Variants in DNAJC7 observed in about 807,000 individuals in gnomAD.
DNAJC7 encodes the protein dnaJ homolog subfamily C member 7.
A neutral mutation model predicts 67.4 loss-of-function variants in DNAJC7; 18 were observed. The observed-to-expected ratio is 0.27, with a 90% confidence interval of 0.18 to 0.40. The LOEUF is 0.40. Ranked by LOEUF, DNAJC7 falls within the 10% of genes least tolerant of loss-of-function variation. The pLI, the probability that DNAJC7 is intolerant of heterozygous loss-of-function variation, is 1.00. For missense variants in DNAJC7, 419 were observed against 613.8 expected (o/e 0.68, Z 3.35); for synonymous variants, 220 against 207.8 (o/e 1.06, Z -0.50).
At chr17:42,014,454 C>G (rs1355893658) in intron 1 of DNAJC7, 2 of 152,148 alleles carry the variant, frequency 1.3e-5, no homozygotes, top group Non-Finnish European at 2.9e-5. Context: ...GTGTGAGCCA[C>G]TGCACCCAGC....
chr17:41,995,032 G>T (rs782370262), intron 4 of DNAJC7, 88 bp from the exon 5 acceptor site: 1 of 1,131,762 alleles, frequency 8.8e-7, no homozygotes, highest in South Asian at 1.3e-5. Flanking sequence ...TGATGAATTT[G>T]AATTCAGTAA....
chr17:41,988,064 C>T (rs1415387128), intron 8 of DNAJC7, among the ~76,000 whole-genome samples, 154 bp from the exon 9 acceptor site: 1 of 152,294 alleles, frequency 6.6e-6, no homozygotes, highest in South Asian at 2.1e-4. Context: ...GGGCTATGGA[C>T]AGCAACTTCA....
chr17:42,017,358 T>C lies in DNAJC7; in HGVS notation c.59A>G (p.Asp20Gly), dbSNP rs782355563. Residue 20 changes from aspartate (D) to glycine (G), a missense_variant, in exon 1 of 14, where the codon GAC (aspartate) becomes GGC (glycine). By Grantham distance (94) the Asp-to-Gly change is moderately conservative. Around this residue, in one of 4 missense-constraint regions of DNAJC7, gnomAD observed 63 missense variants for 54.0 expected, o/e 1.17. Coordinates refer to ENST00000457167, the MANE Select transcript of DNAJC7 (RefSeq NM_003315.4). ...VMAATEPELL[D>G]DQEAKREAET... ...CGGTTACCTCTTCGCCTCTTGGTCG[T>C]CGAGCAGCTCCGGCTCGGTCGCCGC... 2.5e-6 allele frequency: 4 copies of C among 1,611,454 alleles called. No individual in the cohort carries two copies. Among genetic ancestry groups the C allele is most frequent in the Middle Eastern group, 1.6e-4 (1 of 6,062 alleles).
chr17:41,976,999 G>T, intron 13 of DNAJC7: 1 of 643,686 alleles, frequency 1.6e-6, no homozygotes, highest in Non-Finnish European at 2.7e-6. Context: ...CTTTGCTCTT[G>T]CAGAGAAGCC....
chr17:42,012,445 T>G (rs1360162049), intron 1 of DNAJC7, among the ~76,000 whole-genome samples: 1 of 152,186 alleles, frequency 6.6e-6, no homozygotes, highest in Non-Finnish European at 1.5e-5. Flanking sequence ...ATCACACCAC[T>G]GCACTCCAGC....
Position 41,987,867 on chromosome 17 carries a change from A to G in DNAJC7, c.962T>C (p.Val321Ala). Residue 321 changes from valine (V) to alanine (A), a missense_variant, in exon 9 of 14, where the codon GTG (valine) becomes GCG (alanine). By Grantham distance (64) the Val-to-Ala change is moderately conservative. This residue lies in a region of DNAJC7 where 161 missense variants were observed against 252.2 expected (regional missense o/e 0.64). Transcript: ENST00000457167. Reference protein sequence around the residue: ...DDAIEDCTNAVKLDDTYIKAY... With the variant: ...DDAIEDCTNAAKLDDTYIKAY... ...TTTTATGTAAGTGTCATCAAGCTTC[A>G]CTGCATTTGTGCAGTCTTCTATTGC... is the stretch of plus-strand genomic sequence containing the variant. The G allele has an allele frequency of 6.2e-7, 1 of 1,612,184 alleles. No individual in the cohort carries two copies. The highest frequency in any genetic ancestry group is 8.5e-7 in the Non-Finnish European group (1 of 1,179,250).
At chr17:42,012,390 G>A (rs2052143596) in intron 1 of DNAJC7, among the ~76,000 whole-genome samples, 2 of 152,222 alleles carry the variant, frequency 1.3e-5, no homozygotes, top group African/African-American at 4.8e-5. Context: ...GGCTGAGGCA[G>A]GAGAATCATT....
chr17:41,976,550 T>C lies in DNAJC7; in HGVS notation c.*183A>G, dbSNP rs1017557160. The C allele has an allele frequency of 4.3e-5, 24 of 557,394 alleles. 1 individual carries two copies. The South Asian group carries it at 5.0e-4, about 12-fold the overall frequency. 34.5% of individuals were successfully genotyped at this position (557,394 alleles called of 1,614,324 possible). A position where few individuals can be genotyped will look rare whatever the true frequency, so the allele number is the denominator to read the frequency against. ...CCACCCCCGCCTCCCTCCCCTGCCC[T>C]CGGTCTTCGGCATTGGTTCCCTTTG... On this transcript the variant is annotated 3_prime_UTR_variant, in exon 14 of 14. Transcript: ENST00000457167.
chr17:41,981,734 T>C (rs2143114882), intron 12 of DNAJC7, 121 bp downstream of exon 12: 2 of 1,369,344 alleles, frequency 1.5e-6, no homozygotes, highest in South Asian at 1.4e-5. Context: ...TCCATGTCTA[T>C]TACTGTTTGG....
chr17:42,017,020 C>G, intron 1 of DNAJC7: 1 of 1,311,902 alleles, frequency 7.6e-7, no homozygotes. Context: ...TCGTCATCGA[C>G]GCCGCGCCGC....
intron 8 of DNAJC7, among the ~76,000 whole-genome samples, 156 bp from the exon 9 acceptor site, chr17:41,988,066 G>C (rs2051428459): frequency 6.6e-6 from 1 of 152,184 alleles, no homozygotes; most frequent in South Asian, 2.1e-4. Flanking sequence ...GCTATGGACA[G>C]CAACTTCAAA....
At position 41,992,709 on chromosome 17, in the gene DNAJC7, G is replaced by C. The variant is rs555037721; in HGVS notation, c.480+2161C>G. 4 of 152,310 alleles carry C rather than the reference G, an allele frequency of 2.6e-5. No individual in the cohort carries two copies. In the South Asian group the frequency reaches 8.3e-4, roughly 32 times the overall value. 9.4% of individuals were successfully genotyped at this position (152,310 alleles called of 1,614,324 possible). ...CCACCCCCCAACCTCCCCATGACTAGGGACAGCTGCAGGCAAAGAAGATCT... is the reference window on the plus strand; with the variant it reads ...CCACCCCCCAACCTCCCCATGACTACGGACAGCTGCAGGCAAAGAAGATCT... On this transcript the variant is annotated intron_variant, in intron 5 of 13. Coordinates refer to ENST00000457167, the MANE Select transcript of DNAJC7 (RefSeq NM_003315.4).
Position 41,987,889 on chromosome 17 carries a change from T to A in DNAJC7, c.940A>T (p.Ile314Leu), listed in dbSNP as rs1555647131. Reference protein sequence around the residue: ...NSKLRKLDDAIEDCTNAVKLD... With the variant: ...NSKLRKLDDALEDCTNAVKLD... ...TTCACTGCATTTGTGCAGTCTTCTATTGCATCATCTAGTTTCCTAAGCTTC... is the reference window on the plus strand; with the variant it reads ...TTCACTGCATTTGTGCAGTCTTCTAATGCATCATCTAGTTTCCTAAGCTTC... Residue 314 changes from isoleucine to leucine, a missense_variant, in exon 9 of 14, where the codon ATA (isoleucine) becomes TTA (leucine). Physicochemically the swap from Ile to Leu is conservative, Grantham distance 5. Around this residue, in one of 4 missense-constraint regions of DNAJC7, gnomAD observed 161 missense variants for 252.2 expected, o/e 0.64. Coordinates refer to ENST00000457167, the MANE Select transcript of DNAJC7 (RefSeq NM_003315.4). The A allele has an allele frequency of 6.2e-7, 1 of 1,611,664 alleles. No individual in the cohort carries two copies. Among genetic ancestry groups the A allele is most frequent in the East Asian group, 2.2e-5 (1 of 44,872 alleles).
Position 41,976,604 on chromosome 17 carries a change from A to G in DNAJC7, c.*129T>C, listed in dbSNP as rs983448360. ...CACCCCACTCACAGAGACACAGGGC[A>G]TCCAACTGAGAAAACGAAACTGCTC... On this transcript the variant is annotated 3_prime_UTR_variant, in exon 14 of 14. Transcript: ENST00000457167. The G allele has an allele frequency of 8.4e-7, 1 of 1,191,212 alleles. No individual in the cohort carries two copies. The highest frequency in any genetic ancestry group is 1.2e-6 in the Non-Finnish European group (1 of 859,096). The allele number at this position is 1,191,212 out of a possible 1,614,324, so 73.8% of individuals were successfully genotyped here. A position where few individuals can be genotyped will look rare whatever the true frequency, so the allele number is the denominator to read the frequency against.
In DNAJC7 at chr17:42,000,597, T is replaced by C. The variant is rs781817770; in HGVS notation, c.78-27A>G. The C allele has an allele frequency of 5.1e-6, 8 of 1,559,958 alleles. No homozygotes were observed. In the Admixed American group the frequency reaches 5.2e-5, roughly 10 times the overall value. On this transcript the variant is annotated intron_variant, in intron 1 of 13. Coordinates refer to ENST00000457167, the MANE Select transcript of DNAJC7 (RefSeq NM_003315.4). ...TGAAAATGAAAGAGAAAGAGAATCA[T>C]GTTACTTTACAAAGGGAATAACCTC...
Position 41,996,168 on chromosome 17 carries a change from G to C in DNAJC7, c.405+143C>G, listed in dbSNP as rs1010147559. The C allele has an allele frequency of 1.2e-5, 8 of 694,302 alleles. No individual in the cohort carries two copies. The African/African-American group carries it at 1.5e-4, about 13-fold the overall frequency. 43.0% of individuals were successfully genotyped at this position (694,302 alleles called of 1,614,324 possible). On this transcript the variant is annotated intron_variant, in intron 4 of 13. Transcript: ENST00000457167. ...TTACAGATTAGGAAGCTGAGGCTTA[G>C]AGAGGCTATGAAACTCGCCTAAAGT... is the stretch of plus-strand genomic sequence containing the variant.
intron 1 of DNAJC7, chr17:42,014,243 C>A (rs1320699231): frequency 1.3e-5 from 2 of 151,734 alleles, no homozygotes; most frequent in African/African-American, 4.8e-5. Flanking sequence ...CCTTGGCTCA[C>A]TGCAACCTCC....
Position 41,977,260 on chromosome 17 carries a change from C to T in DNAJC7, c.1447+1G>A. 1 of 1,579,198 alleles carries T rather than the reference C, an allele frequency of 6.3e-7. No individual in the cohort carries two copies. On this transcript the variant is annotated splice_donor_variant, in intron 13 of 13. Transcript: ENST00000457167. LOFTEE classifies it high-confidence loss of function. The stretch of plus-strand genomic sequence containing the variant: ...CTCCCAAGAACAGCAGGCCCACCTA[C>T]CTTCAAAGCTGAAGCCGCCAGGACC...
Position 41,976,703 on chromosome 17 carries a change from A to C in DNAJC7, c.*30T>G. ...TCAAGATTAAACTGAGTGAATCTGCATTTTCTGGGTTCTGGGTGGTTGCCC... is the reference window on the plus strand; with the variant it reads ...TCAAGATTAAACTGAGTGAATCTGCCTTTTCTGGGTTCTGGGTGGTTGCCC... On this transcript the variant is annotated 3_prime_UTR_variant, in exon 14 of 14. Transcript: ENST00000457167. The C allele has an allele frequency of 6.2e-7, 1 of 1,606,240 alleles. No homozygotes were observed. The highest frequency in any genetic ancestry group is 8.5e-7 in the Non-Finnish European group (1 of 1,178,238).
Sources: allele counts gnomAD v4.1 joint callset (sites outside exome capture counted in the v4.1 genomes callset), GRCh38; gene constraint gnomAD v4.1.1; regional missense constraint gnomAD v4.1.1; transcripts MANE v1.5; gene names NCBI Gene and HGNC (gene_info 2026-07-23, HGNC 2026-07-21).